Variants in PTBP3 observed in about 807,000 individuals in gnomAD.
PTBP3 encodes the protein polypyrimidine tract binding protein 3, also known as polypyrimidine tract-binding protein 3.
A neutral mutation model predicts 58.7 loss-of-function variants in PTBP3; 20 were observed. The observed-to-expected ratio is 0.34, with a 90% CI of 0.24 to 0.50. PTBP3 has a LOEUF of 0.50. PTBP3 is among the 20% of genes least tolerant of loss of function. PTBP3 has a pLI of 0.98. For missense variants in PTBP3, 509 were observed against 637.2 expected (o/e 0.80, Z 2.17); for synonymous variants, 185 against 219.8 (o/e 0.84, Z 1.40).
chr9:112,334,281 C>G (rs912749042), upstream of PTBP3, among the ~76,000 whole-genome samples: 3 of 152,106 alleles, frequency 2.0e-5, no homozygotes, highest in Non-Finnish European at 4.4e-5. Context: ...ACCTAACCGT[C>G]TAGTATTGAA....
chr9:112,228,465 A>G lies in PTBP3; in HGVS notation c.1062T>C (p.Tyr354=), dbSNP rs775063871. 30 of 1,589,002 alleles carry G rather than the reference A, an allele frequency of 1.9e-5. No individual in the cohort carries two copies. Among genetic ancestry groups the G allele is most frequent in the South Asian group, 1.3e-4 (11 of 86,394 alleles). Residue 354 remains tyrosine (Y), a synonymous_variant, in exon 11 of 14, where the codon TAT becomes TAC. Coordinates refer to ENST00000374257, the MANE Select transcript of PTBP3 (RefSeq NM_001163788.4). ...TAATCTTCACTCGATGTACATCACC[A>G]TAGACTCCTAATTAAAACAAAACAA... ...PHGLFILFGV[Y]GDVHRVKIMF...
In PTBP3 at chr9:112,262,454, G is replaced by C. The variant is rs948079650; in HGVS notation, c.497C>G (p.Thr166Ser). ...IIIENLFYPV[T>S]LEVLHQIFSK... ...CCTTACCTGATGAAGAACTTCCAGG[G>C]TAACAGGGTAAAAGAGGTTTTCAAT... is the stretch of plus-strand genomic sequence containing the variant. The change falls in exon 5 of 14, where the codon ACC (threonine) becomes AGC (serine). Residue 166 changes from threonine to serine, a missense_variant. Thr to Ser is a moderately conservative substitution (Grantham distance 58). Coordinates refer to ENST00000374257, the MANE Select transcript of PTBP3 (RefSeq NM_001163788.4). 2 of 1,602,294 alleles carry C rather than the reference G, an allele frequency of 1.2e-6. No homozygotes were observed. Among genetic ancestry groups the C allele is most frequent in the Non-Finnish European group, 1.7e-6 (2 of 1,176,002 alleles).
chr9:112,296,300 G>C (rs567784053), intron 2 of PTBP3, among the ~76,000 whole-genome samples: 43 of 152,106 alleles, frequency 2.8e-4, no homozygotes, highest in African/African-American at 9.6e-4. Flanking sequence ...TTAAGTCCTA[G>C]TTTGCCTGAG....
At chr9:112,295,965 C>A (rs1422019008) in intron 2 of PTBP3, among the ~76,000 whole-genome samples, 2 of 152,306 alleles carry the variant, frequency 1.3e-5, no homozygotes, top group South Asian at 2.1e-4. Context: ...CAGCCCAGGA[C>A]AGCTTTGAAT....
intron 12 of PTBP3, among the ~76,000 whole-genome samples, chr9:112,226,011 T>G (rs1487737752): frequency 6.6e-6 from 1 of 152,094 alleles, no homozygotes; most frequent in Non-Finnish European, 1.5e-5. Flanking sequence ...ACCACTGCAC[T>G]ACAGCCTGGG....
chr9:112,303,847 G>C (rs529686097), intron 1 of PTBP3, among the ~76,000 whole-genome samples: 8 of 143,072 alleles, frequency 5.6e-5, no homozygotes, highest in Admixed American at 4.9e-4. Flanking sequence ...CTGGGCGACA[G>C]AGTGAGACTC....
intron 5 of PTBP3, among the ~76,000 whole-genome samples, chr9:112,253,002 C>T (rs545384347): frequency 6.6e-6 from 1 of 152,112 alleles, no homozygotes; most frequent in Non-Finnish European, 1.5e-5. Flanking sequence ...AATAACTAGC[C>T]TATTTTATGG....
chr9:112,240,664 A>C (rs1379845987), intron 7 of PTBP3, among the ~76,000 whole-genome samples: 1 of 150,436 alleles, frequency 6.6e-6, no homozygotes, highest in Non-Finnish European at 1.5e-5. Context: ...TTTTTTCTTA[A>C]AACTTAACCG....
At chr9:112,374,962 G>A in the PTBP3 span, among the ~76,000 whole-genome samples, 3 of 152,182 alleles carry the variant, frequency 2.0e-5, no homozygotes, top group African/African-American at 4.8e-5. Flanking sequence ...CTGGCAAATT[G>A]GGCACTCAGC....
chr9:112,249,158 G>GC (rs1452094901), intron 7 of PTBP3, among the ~76,000 whole-genome samples: 1 of 152,066 alleles, frequency 6.6e-6, no homozygotes, highest in Non-Finnish European at 1.5e-5. Context: ...AAACAGAAAA[G>GC]CAAGAGAATA....
chr9:112,364,811 G>C, the PTBP3 span, among the ~76,000 whole-genome samples: 105 of 152,274 alleles, frequency 6.9e-4, 1 homozygote, highest in East Asian at 0.018. Flanking sequence ...ACAATAAAGT[G>C]AAGCTCCATA....
At chr9:112,289,633 T>G (rs1320693036) in intron 2 of PTBP3, among the ~76,000 whole-genome samples, 7 of 152,054 alleles carry the variant, frequency 4.6e-5, no homozygotes, top group Admixed American at 2.6e-4. Flanking sequence ...AATTTAAAAA[T>G]TAGCTGGATG....
At chr9:112,243,446 G>T (rs1835742633) in intron 7 of PTBP3, among the ~76,000 whole-genome samples, 1 of 152,070 alleles carries the variant, frequency 6.6e-6, no homozygotes, top group Admixed American at 6.5e-5. Context: ...GGAGGCCGAG[G>T]CATGAGAATT....
At chr9:112,331,730 GC>G (rs1830387015) in intron 1 of PTBP3, among the ~76,000 whole-genome samples, 1 of 152,148 alleles carries the variant, frequency 6.6e-6, no homozygotes, top group Non-Finnish European at 1.5e-5. Flanking sequence ...TAACTGCCTT[GC>G]ATATTCAAAC....
chr9:112,350,948 G>A, the PTBP3 span, among the ~76,000 whole-genome samples: 15 of 151,874 alleles, frequency 9.9e-5, no homozygotes, highest in African/African-American at 3.4e-4. Flanking sequence ...ACAGGCACCC[G>A]CCACCACGCC....
chr9:112,234,311 A>G (rs1008537615), intron 8 of PTBP3, among the ~76,000 whole-genome samples: 1 of 152,232 alleles, frequency 6.6e-6, no homozygotes, highest in Non-Finnish European at 1.5e-5. Flanking sequence ...CCTGAAATAA[A>G]CAGCATGCAT....
chr9:112,308,044 C>T (rs553430559), intron 1 of PTBP3, among the ~76,000 whole-genome samples: 1 of 152,276 alleles, frequency 6.6e-6, no homozygotes, highest in Admixed American at 6.5e-5. Flanking sequence ...CCAGGGAAGC[C>T]CTGCTTTAAA....
intron 2 of PTBP3, among the ~76,000 whole-genome samples, chr9:112,277,691 T>C (rs1422237627): frequency 6.6e-6 from 1 of 151,672 alleles, no homozygotes; most frequent in Non-Finnish European, 1.5e-5. Flanking sequence ...ACCCCATCTC[T>C]ACCAAAAAAA....
chr9:112,227,689 G>C (rs1190258232), intron 11 of PTBP3, 62 bp from the exon 12 acceptor site: 2 of 1,172,258 alleles, frequency 1.7e-6, no homozygotes, highest in African/African-American at 1.5e-5. Flanking sequence ...AGTAGTATCT[G>C]ACAACATTAC....
Sources: allele counts gnomAD v4.1 joint callset (sites outside exome capture counted in the v4.1 genomes callset), GRCh38; gene constraint gnomAD v4.1.1; transcripts MANE v1.5; gene names NCBI Gene and HGNC (gene_info 2026-07-23, HGNC 2026-07-21).